DAB1: variants seen among roughly 807,000 people sequenced by gnomAD.
The protein encoded by DAB1 is DAB adaptor protein 1, also known as disabled homolog 1.
In DAB1, 15 loss-of-function variants were observed where a neutral mutation model predicts 64.6. The observed-to-expected ratio is 0.23, with a 90% CI of 0.16 to 0.36. The LOEUF is 0.36. Among genes scored for constraint, DAB1 ranks in the 10% least tolerant of loss-of-function variants. DAB1 has a pLI of 1.00. For synonymous variants in DAB1, 235 were observed against 251.9 expected (o/e 0.93, Z 0.64); for missense variants, 596 against 706.7 (o/e 0.84, Z 1.78).
intron 2 of DAB1, among the ~76,000 whole-genome samples, chr1:57,285,507 A>T (rs1439975665): frequency 6.6e-6 from 1 of 152,128 alleles, no homozygotes; most frequent in Admixed American, 6.5e-5. Flanking sequence ...ACCTGACCTC[A>T]GGTGATCTGC....
intron 7 of DAB1, among the ~76,000 whole-genome samples, chr1:57,499,789 A>G (rs1181091046): frequency 6.6e-6 from 1 of 152,184 alleles, no homozygotes. Flanking sequence ...TCTTAATTCA[A>G]GTCCTTTTCC....
chr1:57,945,737 C>T (rs1645175575), intron 5 of DAB1, among the ~76,000 whole-genome samples: 1 of 152,148 alleles, frequency 6.6e-6, no homozygotes, highest in South Asian at 2.1e-4. Flanking sequence ...TATATACAAA[C>T]TTCTGTGTTC....
chr1:57,356,113 T>A (rs1679081431), intron 1 of DAB1, among the ~76,000 whole-genome samples: 1 of 152,126 alleles, frequency 6.6e-6, no homozygotes, highest in Non-Finnish European at 1.5e-5. Context: ...CAGTGCTATA[T>A]TCCTTGCACC....
rs561400149 is a variant in DAB1, at chr1:57,012,965, AGCAGTGGTTCTCAGTCTGGG to A, written c.1445-1713_1445-1694del. ...TTATAGGATGCTGCTAATACTCTAA[AGCAGTGGTTCTCAGTCTGGG>A]GCAATTTCATCCCTGGGGTACATTT... On this transcript the variant is annotated intron_variant, in intron 12 of 14. Transcript: ENST00000371236. Among the ~76,000 whole-genome samples, 238 of 152,338 alleles carry A rather than the reference AGCAGTGGTTCTCAGTCTGGG, an allele frequency of 1.6e-3. 2 individuals are homozygous for A. Among genetic ancestry groups the A allele is most frequent in the African/African-American group, 5.6e-3 (233 of 41,590 alleles).
intron 14 of DAB1, among the ~76,000 whole-genome samples, chr1:57,006,453 C>T (rs1646070395): frequency 6.6e-6 from 1 of 152,216 alleles, no homozygotes; most frequent in Non-Finnish European, 1.5e-5. Flanking sequence ...TCTTCCTCAC[C>T]TCCCATGTCT....
At chr1:57,283,928 T>C (rs1422482018) in intron 2 of DAB1, among the ~76,000 whole-genome samples, 1 of 152,222 alleles carries the variant, frequency 6.6e-6, no homozygotes, top group Non-Finnish European at 1.5e-5. Flanking sequence ...TAACTTCTTA[T>C]AACCTTTTAT....
At chr1:58,537,445 A>T (rs1461668350) in intron 1 of DAB1, among the ~76,000 whole-genome samples, 1 of 152,204 alleles carries the variant, frequency 6.6e-6, no homozygotes, top group Non-Finnish European at 1.5e-5. Context: ...TTACAACGTG[A>T]AAAAGGAGAG....
chr1:57,294,565 C>T (rs1413155972), intron 1 of DAB1, among the ~76,000 whole-genome samples: 2 of 152,068 alleles, frequency 1.3e-5, no homozygotes, highest in African/African-American at 4.8e-5. Context: ...TTCTTTCCCC[C>T]TTTTCTCATA....
chr1:58,333,262 C>T (rs1663017765), intron 4 of DAB1, among the ~76,000 whole-genome samples: 1 of 152,092 alleles, frequency 6.6e-6, no homozygotes, highest in African/African-American at 2.4e-5. Context: ...ATGGACCAAT[C>T]AACAGTGGTA....
intron 8 of DAB1, among the ~76,000 whole-genome samples, 185 bp from the exon 9 acceptor site, chr1:57,063,128 A>T (rs922375331): frequency 6.6e-6 from 1 of 152,074 alleles, no homozygotes; most frequent in African/African-American, 2.4e-5. Flanking sequence ...GGAGCATCAG[A>T]TGGGGACAGG....
At chr1:57,201,164 T>TCGC (rs1665065823) in intron 2 of DAB1, among the ~76,000 whole-genome samples, 1 of 152,182 alleles carries the variant, frequency 6.6e-6, no homozygotes, top group African/African-American at 2.4e-5. Flanking sequence ...TGAGACCACC[T>TCGC]TGCTATAGGG....
Position 57,071,545 on chromosome 1 carries a change from G to C in DAB1, c.535C>G (p.Gln179Glu). The change falls in exon 6 of 15, where the codon CAG becomes GAG. Residue 179 changes from glutamine (Q) to glutamate (E), a missense_variant. Gln to Glu is a conservative substitution (Grantham distance 29). Coordinates refer to ENST00000371236, the MANE Select transcript of DAB1 (RefSeq NM_001365792.1). ...ACCTGGTACACAGCTTGTTCACACT[G>C]CTTATCCTTTTGTGCCTTTTTTTCT... The part of the protein sequence containing the change: ...ELEKKAQKDK[Q>E]CEQAVYQTIL... 1 of 1,613,816 alleles carries C rather than the reference G, an allele frequency of 6.2e-7. No homozygotes were observed. Among genetic ancestry groups the C allele is most frequent in the Non-Finnish European group, 8.5e-7 (1 of 1,179,878 alleles).
intron 2 of DAB1, among the ~76,000 whole-genome samples, chr1:57,200,460 G>A (rs1264032961): frequency 2.0e-5 from 3 of 152,198 alleles, no homozygotes; most frequent in Non-Finnish European, 4.4e-5. Context: ...TATGTGTTAT[G>A]TAGTATAGTG....
intron 4 of DAB1, among the ~76,000 whole-genome samples, chr1:58,238,549 G>A (rs572328030): frequency 6.6e-6 from 1 of 152,274 alleles, no homozygotes; most frequent in South Asian, 2.1e-4. Context: ...GAGCCAAGGA[G>A]GGACTTTTAT....
chr1:57,752,570 G>A (rs1648606324), intron 6 of DAB1, among the ~76,000 whole-genome samples: 1 of 152,132 alleles, frequency 6.6e-6, no homozygotes, highest in Admixed American at 6.5e-5. Context: ...TTCCATTATA[G>A]ATCATTAATA....
chr1:57,400,960 T>C (rs1210914955), intron 1 of DAB1, among the ~76,000 whole-genome samples: 2 of 145,766 alleles, frequency 1.4e-5, no homozygotes, highest in Non-Finnish European at 3.0e-5. Context: ...AAACAGTCTC[T>C]AAACACCAGT....
intron 4 of DAB1, among the ~76,000 whole-genome samples, chr1:58,342,142 AG>A (rs1643945598): frequency 6.6e-6 from 1 of 152,236 alleles, no homozygotes; most frequent in Admixed American, 6.5e-5. Flanking sequence ...AAATGCCAAG[AG>A]AGACAGTGTG....
At chr1:57,550,447 C>A (rs759859819) in intron 7 of DAB1, among the ~76,000 whole-genome samples, 1 of 152,120 alleles carries the variant, frequency 6.6e-6, no homozygotes, top group Non-Finnish European at 1.5e-5. Flanking sequence ...TCTCACTGAC[C>A]TTTTATACAC....
chr1:57,492,724 T>A (rs1171265169), intron 7 of DAB1, among the ~76,000 whole-genome samples: 1 of 152,172 alleles, frequency 6.6e-6, no homozygotes, highest in Non-Finnish European at 1.5e-5. Flanking sequence ...GGCAAGTCGC[T>A]TTAACTCTCT....
Sources: allele counts gnomAD v4.1 joint callset (sites outside exome capture counted in the v4.1 genomes callset), GRCh38; gene constraint gnomAD v4.1.1; transcripts MANE v1.5; gene names NCBI Gene and HGNC (gene_info 2026-07-23, HGNC 2026-07-21).